The following MMP26 variants were observed in gnomAD, a reference collection of about 807,000 sequenced individuals.
The protein encoded by MMP26 is matrix metalloproteinase-26.
MMP26 carries 33 observed loss-of-function variants against 31.0 expected under a neutral mutation model. The observed-to-expected ratio is 1.06, with a 90% CI of 0.81 to 1.42. MMP26 has a LOEUF of 1.42. Ranked by LOEUF, MMP26 falls within the 40% of genes most tolerant of loss-of-function variation. The probability of loss-of-function intolerance (pLI) is 0.00; values close to 1 mark genes in which losing one functional copy is unlikely to be tolerated. For synonymous variants in MMP26, 122 were observed against 114.9 expected, an observed-to-expected ratio of 1.06 and a Z score of -0.40; for missense variants, 347 against 316.1, an observed-to-expected ratio of 1.10 and a Z score of -0.74.
intron 1 of MMP26, among the ~76,000 whole-genome samples, chr11:4,746,560 G>A (rs900271749): frequency 3.9e-5 from 6 of 152,034 alleles, no homozygotes; most frequent in African/African-American, 9.7e-5. Flanking sequence ...AATTGGGGCC[G>A]GGCATGGTGG....
chr11:4,778,248 T>C (rs1848813964), intron 2 of MMP26, among the ~76,000 whole-genome samples: 3 of 152,110 alleles, frequency 2.0e-5, no homozygotes, highest in Non-Finnish European at 2.9e-5. Context: ...TTGTGCTGTT[T>C]GGATACTCCC....
rs544664864 is a variant in MMP26, at chr11:4,759,195, A to G, written c.-216-8075A>G. Among the ~76,000 whole-genome samples the G allele has an allele frequency of 2.2e-3, 334 of 152,166 alleles. 3 individuals carry two copies. Among genetic ancestry groups the G allele is most frequent in the South Asian group, 0.013 (63 of 4,824 alleles). ...ATTCTCCAAGGGACTAGTAGTTAAT[A>G]CAGGAAGAATTTTCAGTCTCACAGT... On this transcript the variant is annotated intron_variant, in intron 1 of 7. Transcript: ENST00000380390.
intron 2 of MMP26, among the ~76,000 whole-genome samples, chr11:4,889,112 C>T (rs1026617905): frequency 4.6e-5 from 7 of 152,152 alleles, no homozygotes; most frequent in Admixed American, 4.6e-4. Context: ...GTCCTACACT[C>T]ACAGGAGTAG....
chr11:4,902,580 G>T (rs891334896), intron 2 of MMP26, among the ~76,000 whole-genome samples: 6 of 152,062 alleles, frequency 3.9e-5, no homozygotes, highest in African/African-American at 1.4e-4. Context: ...TAGTTGTGTT[G>T]TTTGTTTTCT....
intron 2 of MMP26, among the ~76,000 whole-genome samples, chr11:4,896,303 G>T (rs375770176): frequency 8.5e-5 from 13 of 152,178 alleles, no homozygotes; most frequent in African/African-American, 3.1e-4. Context: ...ACGTCTGCTT[G>T]CCAAGACTTT....
chr11:4,803,122 A>G (rs990201827), intron 2 of MMP26, among the ~76,000 whole-genome samples: 8 of 152,186 alleles, frequency 5.3e-5, no homozygotes, highest in African/African-American at 1.7e-4. Flanking sequence ...CAACTTTTTT[A>G]CCTTAATCAT....
intron 2 of MMP26, among the ~76,000 whole-genome samples, chr11:4,868,873 C>T (rs955685384): frequency 4.6e-5 from 7 of 151,994 alleles, no homozygotes; most frequent in Non-Finnish European, 7.4e-5. Flanking sequence ...AACAGAGATA[C>T]AGACCAATGG....
chr11:4,962,906 A>G (rs1325703318), intron 2 of MMP26, among the ~76,000 whole-genome samples: 1 of 152,210 alleles, frequency 6.6e-6, no homozygotes, highest in Non-Finnish European at 1.5e-5. Flanking sequence ...AGTTGAGCCC[A>G]CATGTCAAAG....
chr11:4,742,311 G>A (rs1848325465), intron 1 of MMP26, among the ~76,000 whole-genome samples: 1 of 152,116 alleles, frequency 6.6e-6, no homozygotes, highest in South Asian at 2.1e-4. Context: ...TAGTAAATTT[G>A]GAATGCTACG....
intron 2 of MMP26, among the ~76,000 whole-genome samples, chr11:4,825,696 A>C (rs559120018): frequency 6.6e-6 from 1 of 152,250 alleles, no homozygotes; most frequent in East Asian, 1.9e-4. Flanking sequence ...GTGTGTTAGT[A>C]ATTGTGATGC....
intron 1 of MMP26, among the ~76,000 whole-genome samples, chr11:4,717,765 G>A (rs1847954544): frequency 6.6e-6 from 1 of 152,102 alleles, no homozygotes; most frequent in South Asian, 2.1e-4. Flanking sequence ...CTTTAGAGAT[G>A]GGGAAAATGA....
chr11:4,821,107 G>A (rs933688244), intron 2 of MMP26, among the ~76,000 whole-genome samples: 6 of 152,100 alleles, frequency 3.9e-5, no homozygotes, highest in African/African-American at 1.4e-4. Flanking sequence ...AATTTTACTG[G>A]GGATTTATAT....
At chr11:4,839,582 C>T (rs893322179) in intron 2 of MMP26, among the ~76,000 whole-genome samples, 3 of 151,868 alleles carry the variant, frequency 2.0e-5, no homozygotes, top group African/African-American at 7.3e-5. Context: ...CTAGACACAT[C>T]CTGGGTCAGA....
intron 2 of MMP26, chr11:4,915,032 G>A (rs757202351): frequency 6.2e-7 from 1 of 1,614,128 alleles, no homozygotes; most frequent in South Asian, 1.1e-5. Context: ...TATACCCACT[G>A]TAGAGACGAT....
At chr11:4,802,013 A>T (rs943476170) in intron 2 of MMP26, among the ~76,000 whole-genome samples, 1 of 152,206 alleles carries the variant, frequency 6.6e-6, no homozygotes. Flanking sequence ...GAGGGGAGCC[A>T]GGTCCAAATC....
chr11:4,974,554 T>C (rs1465085944), intron 2 of MMP26, among the ~76,000 whole-genome samples: 1 of 152,132 alleles, frequency 6.6e-6, no homozygotes. Flanking sequence ...TATTATTTTC[T>C]GTTTTTCTTA....
intron 2 of MMP26, chr11:4,914,937 G>C (rs769432516): frequency 4.3e-6 from 7 of 1,614,128 alleles, no homozygotes; most frequent in Non-Finnish European, 5.9e-6. Flanking sequence ...CAGGTGTTAA[G>C]GGCCTTGAAT....
chr11:4,986,932 C>CCTCT lies in MMP26; in HGVS notation c.-144-1112_-144-1109dup, dbSNP rs1194074123. 4.1e-3 allele frequency among the ~76,000 whole-genome samples: 250 copies of CCTCT among 60,354 alleles called. 3 individuals are homozygous for CCTCT. Among genetic ancestry groups the CCTCT allele is most frequent in the Middle Eastern group, 0.013 (1 of 76 alleles). The allele number at this position is 60,354 out of a possible 152,430, so 39.6% of individuals were successfully genotyped here. A position where few individuals can be genotyped will look rare whatever the true frequency, so the allele number is the denominator to read the frequency against. ...CTCTCTCTCTCTCTCTCTCTCTCTC[C>CCTCT]CTCTCTCTCTCTCTCTCTCTCTCTC... On this transcript the variant is annotated intron_variant, in intron 2 of 7. Coordinates refer to ENST00000380390, the MANE Select transcript of MMP26 (RefSeq NM_021801.5).
intron 1 of MMP26, among the ~76,000 whole-genome samples, chr11:4,761,445 T>C (rs1315944700): frequency 6.6e-6 from 1 of 152,194 alleles, no homozygotes; most frequent in African/African-American, 2.4e-5. Context: ...ATCTTAATTG[T>C]AGAGTCATTT....
Sources: gnomAD v4.1 joint callset for allele counts (sites outside exome capture counted in the v4.1 genomes callset) on GRCh38, gnomAD v4.1.1 for gene constraint, MANE v1.5 for transcripts, NCBI Gene and HGNC (gene_info 2026-07-23, HGNC 2026-07-21) for gene names.